Variants in KHDRBS2 observed in about 807,000 individuals in gnomAD.
KHDRBS2 encodes the protein KH RNA binding domain containing, signal transduction associated 2.
In KHDRBS2, 26 loss-of-function variants were observed where a neutral mutation model predicts 44.3. The ratio of observed to expected loss-of-function variants is 0.59; its 90% CI spans 0.43 to 0.81. KHDRBS2 has a LOEUF of 0.81. Ranked by LOEUF, KHDRBS2 falls within the 40% of genes least tolerant of loss-of-function variation. The pLI, the probability that KHDRBS2 is intolerant of heterozygous loss-of-function variation, is 0.00. For synonymous variants in KHDRBS2, 194 were observed against 151.1 expected (o/e 1.28, Z -2.08); for missense variants, 476 against 433.1 (o/e 1.10, Z -0.88).
chr6:61,574,504 C>T, the KHDRBS2 span: 20 of 961,368 alleles, frequency 2.1e-5, no homozygotes, highest in East Asian at 3.0e-5. Flanking sequence ...TTAAAAATTT[C>T]GGCTGGGGCG....
At chr6:61,594,027 C>T in the KHDRBS2 span, among the ~76,000 whole-genome samples, 2 of 152,070 alleles carry the variant, frequency 1.3e-5, no homozygotes, top group East Asian at 3.9e-4. Context: ...GAAAAAATAT[C>T]TTTATTGAGC....
At chr6:61,605,784 A>C in the KHDRBS2 span, among the ~76,000 whole-genome samples, 1 of 151,994 alleles carries the variant, frequency 6.6e-6, no homozygotes, top group Admixed American at 6.6e-5. Flanking sequence ...CTTTACCACT[A>C]TTTCATTTTA....
chr6:61,854,122 A>G (rs1178034284), intron 6 of KHDRBS2, among the ~76,000 whole-genome samples: 1 of 130,160 alleles, frequency 7.7e-6, no homozygotes, highest in East Asian at 2.2e-4. Context: ...AACTCTCTAA[A>G]GAATTCTGAA....
chr6:62,126,764 C>T (rs1461507803), intron 2 of KHDRBS2, among the ~76,000 whole-genome samples: 1 of 152,194 alleles, frequency 6.6e-6, no homozygotes, highest in Non-Finnish European at 1.5e-5. Context: ...TAAAGCTAGA[C>T]AGATCTCTCC....
Position 61,874,703 on chromosome 6 carries a change from C to T in KHDRBS2, c.810+19932G>A, listed in dbSNP as rs142698757. On this transcript the variant is annotated intron_variant, in intron 6 of 8. Transcript: ENST00000281156. ...TCAAACAAATCTGAACAGCCAAGTC[C>T]GAACAATCAAGGAAATTGAGTAGAG... Among the ~76,000 whole-genome samples, 13 of 152,134 alleles carry T rather than the reference C, an allele frequency of 8.5e-5. No homozygotes were observed. In the East Asian group the frequency reaches 1.6e-3, roughly 18 times the overall value.
chr6:61,789,446 T>A (rs1429052530), intron 6 of KHDRBS2, among the ~76,000 whole-genome samples: 2 of 151,522 alleles, frequency 1.3e-5, no homozygotes. Flanking sequence ...GTGAAATTGC[T>A]AAGCACACAA....
At chr6:61,628,912 T>C in the KHDRBS2 span, among the ~76,000 whole-genome samples, 2 of 152,334 alleles carry the variant, frequency 1.3e-5, no homozygotes, top group East Asian at 1.9e-4. Context: ...AATAGATGCA[T>C]ACGTTTTTCA....
the KHDRBS2 span, among the ~76,000 whole-genome samples, chr6:61,654,574 A>G: frequency 6.6e-6 from 1 of 151,552 alleles, no homozygotes; most frequent in African/African-American, 2.4e-5. Context: ...AAGTAGTTAA[A>G]GGACTATAAT....
intron 2 of KHDRBS2, among the ~76,000 whole-genome samples, chr6:62,055,746 T>A (rs541978176): frequency 5.3e-5 from 8 of 152,140 alleles, no homozygotes; most frequent in Admixed American, 4.6e-4. Flanking sequence ...CCACGTAGGT[T>A]CACTTTCGTG....
chr6:61,939,676 A>G (rs1017526440), intron 4 of KHDRBS2, among the ~76,000 whole-genome samples: 1 of 152,230 alleles, frequency 6.6e-6, no homozygotes, highest in Non-Finnish European at 1.5e-5. Flanking sequence ...ACATTTATAA[A>G]TGAAGCTGAA....
At chr6:61,748,811 G>A (rs968350590) in intron 6 of KHDRBS2, among the ~76,000 whole-genome samples, 2 of 151,986 alleles carry the variant, frequency 1.3e-5, no homozygotes, top group African/African-American at 2.4e-5. Context: ...ATATATGCTA[G>A]TATAGTGCTG....
intron 6 of KHDRBS2, among the ~76,000 whole-genome samples, chr6:61,890,823 T>A (rs1801712881): frequency 1.3e-5 from 2 of 152,304 alleles, no homozygotes; most frequent in East Asian, 1.9e-4. Flanking sequence ...CAGAGTAGAA[T>A]ATGATTTCTG....
At chr6:61,665,616 G>A in the KHDRBS2 span, among the ~76,000 whole-genome samples, 1 of 151,076 alleles carries the variant, frequency 6.6e-6, no homozygotes, top group Non-Finnish European at 1.5e-5. Flanking sequence ...CATAAATAAT[G>A]TTCTATTAAA....
intron 2 of KHDRBS2, among the ~76,000 whole-genome samples, chr6:62,170,952 C>A (rs375426982): frequency 3.2e-4 from 41 of 129,754 alleles, no homozygotes; most frequent in Non-Finnish European, 3.5e-4. Context: ...AAGATAAACG[C>A]AAAAAAAAAA....
At chr6:62,106,764 C>T (rs897393400) in intron 2 of KHDRBS2, among the ~76,000 whole-genome samples, 6 of 152,130 alleles carry the variant, frequency 3.9e-5, no homozygotes, top group African/African-American at 9.7e-5. Context: ...GGGCTTCATC[C>T]CTGGGATGCA....
intron 6 of KHDRBS2, among the ~76,000 whole-genome samples, chr6:61,747,787 A>G (rs890472053): frequency 2.0e-5 from 3 of 152,144 alleles, no homozygotes; most frequent in Admixed American, 6.5e-5. Context: ...CATAAGAGTA[A>G]AAAGCATGAG....
At chr6:61,872,547 G>A (rs1314617823) in intron 6 of KHDRBS2, among the ~76,000 whole-genome samples, 4 of 151,868 alleles carry the variant, frequency 2.6e-5, no homozygotes, top group African/African-American at 9.7e-5. Context: ...AGGACACCTA[G>A]GCCTAAAAGA....
At chr6:62,096,358 T>C (rs1430126363) in intron 2 of KHDRBS2, among the ~76,000 whole-genome samples, 1 of 151,920 alleles carries the variant, frequency 6.6e-6, no homozygotes, top group Non-Finnish European at 1.5e-5. Context: ...TGGTCCTAGA[T>C]TTTTCTTTGA....
At chr6:61,937,442 C>G (rs1455169879) in intron 4 of KHDRBS2, among the ~76,000 whole-genome samples, 1 of 152,046 alleles carries the variant, frequency 6.6e-6, no homozygotes, top group South Asian at 2.1e-4. Context: ...CACAACGTCA[C>G]TAGGCTTCCT....
Sources: allele counts gnomAD v4.1 joint callset (sites outside exome capture counted in the v4.1 genomes callset), GRCh38; gene constraint gnomAD v4.1.1; transcripts MANE v1.5; gene names NCBI Gene and HGNC (gene_info 2026-07-23, HGNC 2026-07-21).